The following TFAP4 variants were observed in gnomAD, a reference collection of about 807,000 sequenced individuals.
The protein encoded by TFAP4 is transcription factor AP-4.
A neutral mutation model predicts 40.4 loss-of-function variants in TFAP4; 7 were observed. That is an observed-to-expected ratio of 0.17 (90% CI 0.10 to 0.33). The LOEUF is 0.33. TFAP4 is among the 10% of genes least tolerant of loss of function. The probability of loss-of-function intolerance (pLI) is 1.00; values close to 1 mark genes in which losing one functional copy is unlikely to be tolerated. For missense variants in TFAP4, 374 were observed against 451.1 expected (o/e 0.83, Z 1.55); for synonymous variants, 218 against 181.4 (o/e 1.20, Z -1.62).
intron 1 of TFAP4, among the ~76,000 whole-genome samples, chr16:4,271,770 C>A (rs1437529455): frequency 6.6e-6 from 1 of 152,160 alleles, no homozygotes; most frequent in African/African-American, 2.4e-5. Context: ...AGGCTAGGGG[C>A]GGCCTCAGGT....
chr16:4,261,696 G>A (rs941811919), intron 4 of TFAP4, 83 bp downstream of exon 4: 1 of 1,419,566 alleles, frequency 7.0e-7, no homozygotes, highest in Non-Finnish European at 9.2e-7. Context: ...GGGCTCCACC[G>A]AGGGCCGCAG....
intron 1 of TFAP4, among the ~76,000 whole-genome samples, chr16:4,269,116 G>A (rs1018981421): frequency 2.0e-5 from 3 of 152,048 alleles, no homozygotes; most frequent in African/African-American, 7.2e-5. Flanking sequence ...TCGAACTCCT[G>A]GGCTCAAATG....
chr16:4,270,348 C>T (rs371005114), intron 1 of TFAP4, among the ~76,000 whole-genome samples: 15 of 152,138 alleles, frequency 9.9e-5, no homozygotes, highest in African/African-American at 3.6e-4. Flanking sequence ...TCTGGCAGGC[C>T]TGGGAGACAG....
At chr16:4,262,966 G>C in intron 1 of TFAP4, 1 of 498,476 alleles carries the variant, frequency 2.0e-6, no homozygotes. Context: ...TTGAGCCTAA[G>C]AGTTTGAGAT....
chr16:4,272,093 C>T (rs898330512), intron 1 of TFAP4, among the ~76,000 whole-genome samples: 1 of 151,174 alleles, frequency 6.6e-6, no homozygotes, highest in South Asian at 2.1e-4. Flanking sequence ...GTCCGCCCAC[C>T]CCCAACACCC....
At chr16:4,264,246 G>C (rs1160470932) in intron 1 of TFAP4, 1 of 152,966 alleles carries the variant, frequency 6.5e-6, no homozygotes, top group East Asian at 1.9e-4. Flanking sequence ...CACGGACCCC[G>C]GAGGCAGCAC....
In TFAP4 at chr16:4,260,512, C is replaced by G. The variant is rs369022161; in HGVS notation, c.609G>C (p.Gln203His). 3 of 1,610,484 alleles carry G rather than the reference C, an allele frequency of 1.9e-6. No individual in the cohort carries two copies. Among genetic ancestry groups the G allele is most frequent in the Non-Finnish European group, 2.5e-6 (3 of 1,178,640 alleles). Reference protein sequence around the residue: ...QQVQLQQQQEQVRLLHQEKLE... With the variant: ...QQVQLQQQQEHVRLLHQEKLE... ...GCTTCTCCTGGTGCAGCAGCCTCAC[C>G]TGTTCCTGCTGCTGCTGCAGCTGCA... Residue 203 changes from glutamine to histidine, a missense_variant, in exon 5 of 7, where the codon CAG (glutamine) becomes CAC (histidine). Gln to His is a conservative substitution (Grantham distance 24). This residue lies in a region of TFAP4 where 161 missense variants were observed against 154.2 expected (regional missense o/e 1.04). Transcript: ENST00000204517.
chr16:4,272,954 A>G lies in TFAP4; in HGVS notation c.-208T>C, dbSNP rs866947732. 425 of 156,094 alleles carry G rather than the reference A, an allele frequency of 2.7e-3. 1 individual carries two copies. Among genetic ancestry groups the G allele is most frequent in the African/African-American group, 5.0e-3 (130 of 26,008 alleles). The allele number at this position is 156,094 out of a possible 1,614,324, so 9.7% of individuals were successfully genotyped here. On this transcript the variant is annotated 5_prime_UTR_variant, in exon 1 of 7. Transcript: ENST00000204517. ...CCGGCCTGCCTCCCCGGGCGTGTGTATGTGTGTGTGTGTGTGTGTGTGTGT... is the reference window on the plus strand; with the variant it reads ...CCGGCCTGCCTCCCCGGGCGTGTGTGTGTGTGTGTGTGTGTGTGTGTGTGT...
In TFAP4 at chr16:4,272,644, G is replaced by A. The variant is rs139812014; in HGVS notation, c.89+14C>T. On this transcript the variant is annotated intron_variant, in intron 1 of 6. Coordinates refer to ENST00000204517, the MANE Select transcript of TFAP4 (RefSeq NM_003223.3). Reference sequence around the variant, plus strand: ...CAGTGGTAGGAAGGGGGTGGGGGGAGGAGGAGTACACACCTACAGAGCCCT... The same window carrying A: ...CAGTGGTAGGAAGGGGGTGGGGGGAAGAGGAGTACACACCTACAGAGCCCT... 772 of 1,598,656 alleles carry A rather than the reference G, an allele frequency of 4.8e-4. 2 individuals carry two copies. In the African/African-American group the frequency reaches 8.8e-3, roughly 18 times the overall value.
chr16:4,268,865 G>A (rs1008156787), intron 1 of TFAP4, among the ~76,000 whole-genome samples: 32 of 150,500 alleles, frequency 2.1e-4, no homozygotes, highest in African/African-American at 7.6e-4. Context: ...AAGTGCTAGG[G>A]TTACAAGAGT....
At chr16:4,261,658 G>A (rs2052949335) in intron 4 of TFAP4, 121 bp downstream of exon 4, 2 of 1,186,652 alleles carry the variant, frequency 1.7e-6, no homozygotes, top group Non-Finnish European at 2.3e-6. Context: ...TCCTAGGCCT[G>A]GCACCGCAGT....
chr16:4,265,001 T>G, intron 1 of TFAP4: 1 of 149,582 alleles, frequency 6.7e-6, no homozygotes, highest in African/African-American at 2.5e-5. Context: ...GACTAGGGGG[T>G]GAAAAGGGAG....
rs2053048953 is a variant in TFAP4 at position 4,272,651 on chromosome 16, T to A, written c.89+7A>T. ...AGGAAGGGGGTGGGGGGAGGAGGAGTACACACCTACAGAGCCCTCCTATCA... is the reference window on the plus strand; with the variant it reads ...AGGAAGGGGGTGGGGGGAGGAGGAGAACACACCTACAGAGCCCTCCTATCA... On this transcript the variant is annotated splice_region_variant and intron_variant, in intron 1 of 6. Coordinates refer to ENST00000204517, the MANE Select transcript of TFAP4 (RefSeq NM_003223.3). The A allele has an allele frequency of 3.1e-6, 5 of 1,599,636 alleles. No individual in the cohort carries two copies. The highest frequency in any genetic ancestry group is 4.3e-6 in the Non-Finnish European group (5 of 1,172,092).
At chr16:4,261,381 G>A (rs1471566693) in intron 4 of TFAP4, among the ~76,000 whole-genome samples, 1 of 151,002 alleles carries the variant, frequency 6.6e-6, no homozygotes, top group African/African-American at 2.4e-5. Context: ...CCAGGTTCAC[G>A]CCATTCTCCT....
chr16:4,261,990 G>C, intron 3 of TFAP4, 41 bp from the exon 4 acceptor site: 2 of 1,553,222 alleles, frequency 1.3e-6, no homozygotes, highest in East Asian at 2.3e-5. Context: ...CTGACACCTC[G>C]GTACCACCAC....
chr16:4,257,989 G>T lies in TFAP4; in HGVS notation c.*66C>A. On this transcript the variant is annotated 3_prime_UTR_variant, in exon 7 of 7. Coordinates refer to ENST00000204517, the MANE Select transcript of TFAP4 (RefSeq NM_003223.3). Reference sequence around the variant, plus strand: ...AAAAATTTCTCACTCATTCGCCCATGTCTCTCCCTGTGGCTGCCCCGGCTC... The same window carrying T: ...AAAAATTTCTCACTCATTCGCCCATTTCTCTCCCTGTGGCTGCCCCGGCTC... The T allele has an allele frequency of 6.7e-7, 1 of 1,493,524 alleles. No individual in the cohort carries two copies. 92.5% of individuals were successfully genotyped at this position (1,493,524 alleles called of 1,614,324 possible). A position where few individuals can be genotyped will look rare whatever the true frequency, so the allele number is the denominator to read the frequency against.
intron 1 of TFAP4, 142 bp downstream of exon 1, chr16:4,272,516 G>A (rs962795196): frequency 3.6e-6 from 2 of 551,424 alleles, no homozygotes; most frequent in Non-Finnish European, 5.7e-6. Context: ...CCCGGCGTGT[G>A]GGGCTGCAGC....
chr16:4,257,277 T>C lies in TFAP4; in HGVS notation c.*778A>G, dbSNP rs1252363241. The C allele has an allele frequency of 9.8e-6, 1 of 101,628 alleles. No individual in the cohort carries two copies. Among genetic ancestry groups the C allele is most frequent in the Non-Finnish European group, 1.9e-5 (1 of 51,418 alleles). The allele number at this position is 101,628 out of a possible 1,614,324, so 6.3% of individuals were successfully genotyped here. ...TCCCCACTTTCTTAACAAAATATAA[T>C]AGCTTCTCCTTGAACACGAAGACCT... On this transcript the variant is annotated 3_prime_UTR_variant, in exon 7 of 7. Transcript: ENST00000204517.
intron 4 of TFAP4, 128 bp from the exon 5 acceptor site, chr16:4,260,723 G>A: frequency 8.9e-7 from 1 of 1,126,150 alleles, no homozygotes. Flanking sequence ...ACAGAGGCCA[G>A]AAGCCTTTCC....
Sources: allele counts gnomAD v4.1 joint callset (sites outside exome capture counted in the v4.1 genomes callset), GRCh38; gene constraint gnomAD v4.1.1; regional missense constraint gnomAD v4.1.1; transcripts MANE v1.5; gene names NCBI Gene and HGNC (gene_info 2026-07-23, HGNC 2026-07-21).